Variants in DLGAP2 observed in about 807,000 individuals in gnomAD.
DLGAP2 encodes the protein DLG associated protein 2.
A neutral mutation model predicts 100.3 loss-of-function variants in DLGAP2; 26 were observed. The observed-to-expected ratio is 0.26, with a 90% CI of 0.19 to 0.36. The LOEUF is 0.36. DLGAP2 is among the 10% of genes least tolerant of loss of function. DLGAP2 has a pLI of 1.00. For synonymous variants in DLGAP2, 886 were observed against 630.1 expected (o/e 1.41, Z -6.08); for missense variants, 1,858 against 1,453.2 (o/e 1.28, Z -4.53).
intron 2 of DLGAP2, among the ~76,000 whole-genome samples, chr8:1,151,003 A>G (rs1206905724): frequency 6.6e-6 from 1 of 152,212 alleles, no homozygotes; most frequent in Non-Finnish European, 1.5e-5. Flanking sequence ...ACACACATAC[A>G]TACATATGTA....
chr8:1,492,985 GAGGATGGAAACCGAGTTCTCACCC>G (rs1799436261), intron 3 of DLGAP2, among the ~76,000 whole-genome samples: 2 of 152,166 alleles, frequency 1.3e-5, no homozygotes, highest in Non-Finnish European at 2.9e-5. Flanking sequence ...ATTCCTTGGG[GAGGATGGAAACCGAGTTCTCACCC>G]AGGCGAGAGA....
At chr8:1,030,764 G>C (rs1161627422) in intron 2 of DLGAP2, among the ~76,000 whole-genome samples, 1 of 152,202 alleles carries the variant, frequency 6.6e-6, no homozygotes, top group Non-Finnish European at 1.5e-5. Context: ...TAGAGACCCA[G>C]GTTATTGAGG....
chr8:1,082,967 A>G (rs1194934686), intron 2 of DLGAP2, among the ~76,000 whole-genome samples: 1 of 152,226 alleles, frequency 6.6e-6, no homozygotes, highest in Non-Finnish European at 1.5e-5. Flanking sequence ...AGTATGTTGA[A>G]ATGTTAAAAT....
At chr8:1,223,724 T>C (rs1408136707) in intron 2 of DLGAP2, among the ~76,000 whole-genome samples, 2 of 152,034 alleles carry the variant, frequency 1.3e-5, no homozygotes, top group African/African-American at 4.8e-5. Flanking sequence ...TTATGGAGGG[T>C]TCTGTGATGA....
At chr8:1,387,785 C>G (rs940470364) in intron 3 of DLGAP2, among the ~76,000 whole-genome samples, 1 of 152,128 alleles carries the variant, frequency 6.6e-6, no homozygotes, top group South Asian at 2.1e-4. Flanking sequence ...GGTGGAGGGC[C>G]TCACCTGTGC....
intron 2 of DLGAP2, among the ~76,000 whole-genome samples, chr8:1,008,891 C>T (rs1801198352): frequency 1.3e-5 from 2 of 152,238 alleles, no homozygotes. Context: ...GACCACATGG[C>T]CCCTTCTGAC....
Position 1,683,848 on chromosome 8 carries a change from ATATATATATG to A in DLGAP2, c.2704+5221_2704+5230del, listed in dbSNP as rs1202726124. The stretch of plus-strand genomic sequence containing the variant: ...TCTTTGCTCCACTATATATATATAT[ATATATATATG>A]TGTGTGTGTGTGTGTGTGTGTGTGT... On this transcript the variant is annotated intron_variant, in intron 12 of 14. Coordinates refer to ENST00000637795, the MANE Select transcript of DLGAP2 (RefSeq NM_001346810.2). Among the ~76,000 whole-genome samples the A allele has an allele frequency of 5.6e-5, 4 of 71,522 alleles. No homozygotes were observed. In the East Asian group the frequency reaches 2.0e-3, roughly 36 times the overall value. The allele number at this position is 71,522 out of a possible 152,430, so 46.9% of individuals were successfully genotyped here.
chr8:883,246 C>G (rs1269050490), intron 1 of DLGAP2: 3 of 152,292 alleles, frequency 2.0e-5, no homozygotes, highest in African/African-American at 4.8e-5. Context: ...TGACCGTTCT[C>G]TTGGCAGCGT....
intron 3 of DLGAP2, among the ~76,000 whole-genome samples, chr8:1,497,989 T>C (rs1563184057): frequency 6.6e-6 from 1 of 152,222 alleles, no homozygotes; most frequent in Non-Finnish European, 1.5e-5. Context: ...CTTTTGGTTT[T>C]ATACACTTTA....
In DLGAP2 at chr8:1,319,797, C is replaced by T. The variant is rs1043279213; in HGVS notation, c.106+60914C>T. On this transcript the variant is annotated intron_variant, in intron 3 of 14. Transcript: ENST00000637795. The stretch of plus-strand genomic sequence containing the variant: ...ATGTTGTCTGTAAGGGGCCAGAGAC[C>T]GGAAGGAAACGTAGATCACATGCCA... Among the ~76,000 whole-genome samples the T allele has an allele frequency of 8.5e-5, 13 of 152,200 alleles. No individual in the cohort carries two copies. The South Asian group carries it at 1.2e-3, about 15-fold the overall frequency.
chr8:1,681,412 T>G (rs907372461), intron 12 of DLGAP2, among the ~76,000 whole-genome samples: 4 of 152,126 alleles, frequency 2.6e-5, no homozygotes, highest in African/African-American at 7.2e-5. Flanking sequence ...GCGGGAGGAC[T>G]GCTTGTGCCC....
At chr8:1,507,337 C>T (rs1234652823) in intron 4 of DLGAP2, among the ~76,000 whole-genome samples, 1 of 152,234 alleles carries the variant, frequency 6.6e-6, no homozygotes, top group Non-Finnish European at 1.5e-5. Context: ...ATTTGGCGTG[C>T]AGCGCCGGTG....
At chr8:1,040,741 G>A (rs1336721274) in intron 2 of DLGAP2, among the ~76,000 whole-genome samples, 1 of 152,132 alleles carries the variant, frequency 6.6e-6, no homozygotes, top group Non-Finnish European at 1.5e-5. Context: ...GCTCCGTTCA[G>A]AAGAGGTGCA....
chr8:1,456,895 G>A (rs186975435), intron 3 of DLGAP2, among the ~76,000 whole-genome samples: 8 of 119,232 alleles, frequency 6.7e-5, no homozygotes, highest in African/African-American at 2.6e-4. Context: ...CTGTGATGCC[G>A]ATGAGCCCGG....
intron 2 of DLGAP2, among the ~76,000 whole-genome samples, chr8:1,134,307 T>A (rs1796357880): frequency 6.6e-6 from 1 of 152,232 alleles, no homozygotes; most frequent in South Asian, 2.1e-4. Context: ...CGTGCATGTG[T>A]CTTAGTGGTA....
chr8:905,239 C>T lies in DLGAP2; in HGVS notation c.19-2673C>T, dbSNP rs139542688. Among the ~76,000 whole-genome samples, 384 of 152,170 alleles carry T rather than the reference C, an allele frequency of 2.5e-3. 2 individuals carry two copies. The highest frequency in any genetic ancestry group is 8.5e-3 in the African/African-American group (354 of 41,510). Reference sequence around the variant, plus strand: ...TGGGCACTGTGTTTGTGGGACCATCCGACGAGATCCCAGGGTGCAGTGAGT... The same window carrying T: ...TGGGCACTGTGTTTGTGGGACCATCTGACGAGATCCCAGGGTGCAGTGAGT... On this transcript the variant is annotated intron_variant, in intron 1 of 14. Transcript: ENST00000637795.
At chr8:889,549 G>T in intron 1 of DLGAP2, among the ~76,000 whole-genome samples, 1 of 152,214 alleles carries the variant, frequency 6.6e-6, no homozygotes, top group East Asian at 1.9e-4. Flanking sequence ...TCAGGGTCGA[G>T]CCTGAAGAGC....
chr8:1,053,206 A>C (rs567059319), intron 2 of DLGAP2, among the ~76,000 whole-genome samples: 11 of 152,380 alleles, frequency 7.2e-5, no homozygotes, highest in Non-Finnish European at 1.2e-4. Flanking sequence ...AGTCGCATCC[A>C]TCAGATTCGG....
intron 3 of DLGAP2, among the ~76,000 whole-genome samples, chr8:1,412,587 G>T (rs1456733852): frequency 1.3e-5 from 2 of 152,204 alleles, no homozygotes; most frequent in African/African-American, 4.8e-5. Context: ...CAGATAAGTT[G>T]CTTCACCCCT....
Sources: allele counts gnomAD v4.1 joint callset (sites outside exome capture counted in the v4.1 genomes callset), GRCh38; gene constraint gnomAD v4.1.1; transcripts MANE v1.5; gene names NCBI Gene and HGNC (gene_info 2026-07-23, HGNC 2026-07-21).